CPNE4: variants seen among roughly 807,000 people sequenced by gnomAD.
CPNE4 encodes copine 4.
In CPNE4, 25 loss-of-function variants were observed where a neutral mutation model predicts 67.9. That is an observed-to-expected ratio of 0.37 (90% CI 0.27 to 0.51). The LOEUF (loss-of-function observed/expected upper bound fraction) is 0.51, where lower values mean the gene tolerates loss of function less well. Among genes scored for constraint, CPNE4 ranks in the 20% least tolerant of loss-of-function variants. CPNE4 has a pLI of 0.93. For missense variants in CPNE4, 464 were observed against 690.8 expected, an observed-to-expected ratio of 0.67 and a Z score of 3.68; for synonymous variants, 242 against 244.9, an observed-to-expected ratio of 0.99 and a Z score of 0.11.
intron 1 of CPNE4, among the ~76,000 whole-genome samples, chr3:131,944,716 C>A (rs867880033): frequency 2.6e-5 from 4 of 152,016 alleles, no homozygotes; most frequent in Non-Finnish European, 2.9e-5. Flanking sequence ...CAATTTACAT[C>A]TTAATTTTTT....
intron 1 of CPNE4, among the ~76,000 whole-genome samples, chr3:132,028,357 C>G (rs2074160304): frequency 6.6e-6 from 1 of 152,222 alleles, no homozygotes; most frequent in Non-Finnish European, 1.5e-5. Context: ...TCTCCTCACA[C>G]TTAACAGCAC....
In CPNE4 at chr3:131,627,781, G is replaced by A. The variant is rs145831475; in HGVS notation, c.682-40199C>T. Among the ~76,000 whole-genome samples, 244 of 152,288 alleles carry A rather than the reference G, an allele frequency of 1.6e-3. 1 individual carries two copies. Among genetic ancestry groups the A allele is most frequent in the African/African-American group, 4.8e-3 (198 of 41,544 alleles). On this transcript the variant is annotated intron_variant, in intron 7 of 15. Transcript: ENST00000429747. The stretch of plus-strand genomic sequence containing the variant: ...TGCAGATGTGGTAGAAATAGCAAGA[G>A]AACTAGAATTAGAAGTAGAACCTGA...
intron 3 of CPNE4, among the ~76,000 whole-genome samples, chr3:131,716,695 C>CG (rs2081697927): frequency 6.6e-6 from 1 of 152,168 alleles, no homozygotes; most frequent in Non-Finnish European, 1.5e-5. Context: ...CCCTCCATGC[C>CG]GGGGGCTCTG....
Position 131,770,685 on chromosome 3 carries a change from T to G in CPNE4, c.181-47060A>C, listed in dbSNP as rs77160834. 3.7e-3 allele frequency among the ~76,000 whole-genome samples: 563 copies of G among 152,350 alleles called. 6 individuals are homozygous for G. Among genetic ancestry groups the G allele is most frequent in the African/African-American group, 0.013 (542 of 41,596 alleles). On this transcript the variant is annotated intron_variant, in intron 2 of 15. Coordinates refer to ENST00000429747, the MANE Select transcript of CPNE4 (RefSeq NM_130808.3). ...GTGCTTATAACCACCTGCTTGTCTG[T>G]AAGCCTGCAAAGGCAATTTCTAAAG...
chr3:131,542,872 C>A, intron 14 of CPNE4, 79 bp from the exon 15 acceptor site: 3 of 989,918 alleles, frequency 3.0e-6, no homozygotes, highest in South Asian at 1.5e-5. Context: ...CAGTTAGACA[C>A]CCAGGTGGCC....
intron 1 of CPNE4, among the ~76,000 whole-genome samples, chr3:131,942,463 T>TGTGAGAGA (rs2071424814): frequency 1.1e-4 from 8 of 70,762 alleles, no homozygotes; most frequent in African/African-American, 2.5e-4. Context: ...TGTGTGTGTG[T>TGTGAGAGA]GAGAGAGAGA....
chr3:131,780,387 T>C (rs2083402440), intron 2 of CPNE4, among the ~76,000 whole-genome samples: 1 of 152,146 alleles, frequency 6.6e-6, no homozygotes, highest in Admixed American at 6.6e-5. Context: ...TGCTTGTTCA[T>C]TGTGGTACTA....
chr3:131,810,053 C>T (rs1410253068), intron 2 of CPNE4, among the ~76,000 whole-genome samples: 2 of 151,984 alleles, frequency 1.3e-5, no homozygotes, highest in Non-Finnish European at 2.9e-5. Context: ...AACTCATAAA[C>T]ATATAATGAT....
chr3:131,701,702 C>G (rs1302453707), intron 3 of CPNE4, among the ~76,000 whole-genome samples: 1 of 152,102 alleles, frequency 6.6e-6, no homozygotes, highest in Non-Finnish European at 1.5e-5. Context: ...ATAACTGCAC[C>G]TTGATTGCAG....
In CPNE4 at chr3:131,989,759, T is replaced by TGGAGATAA. The variant is rs2073135007; in HGVS notation, c.-2+44807_-2+44808insTTATCTCC. 1.5e-5 allele frequency among the ~76,000 whole-genome samples: 2 copies of TGGAGATAA among 136,370 alleles called. 1 individual carries two copies. 89.5% of individuals were successfully genotyped at this position (136,370 alleles called of 152,430 possible). A position where few individuals can be genotyped will look rare whatever the true frequency, so the allele number is the denominator to read the frequency against. ...TTACGGGTGGAGAAAGCATGTCCAG[T>TGGAGATAA]CCAAGATAACACCATGTCAAAAATA... On this transcript the variant is annotated intron_variant, in intron 1 of 15. Transcript: ENST00000429747.
At chr3:131,701,354 C>T (rs1297770465) in intron 3 of CPNE4, among the ~76,000 whole-genome samples, 1 of 152,138 alleles carries the variant, frequency 6.6e-6, no homozygotes, top group Non-Finnish European at 1.5e-5. Context: ...ATCCTATCTT[C>T]ATAATATTCA....
chr3:131,670,018 G>A (rs375597515), intron 6 of CPNE4, among the ~76,000 whole-genome samples: 7 of 152,186 alleles, frequency 4.6e-5, no homozygotes, highest in African/African-American at 1.7e-4. Context: ...TTTCCAGCAT[G>A]TGGATGCTGA....
chr3:131,740,611 A>C (rs920888130), intron 2 of CPNE4, among the ~76,000 whole-genome samples: 1 of 152,056 alleles, frequency 6.6e-6, no homozygotes, highest in African/African-American at 2.4e-5. Context: ...ATGCCAAGTC[A>C]CTATTCTCTC....
intron 7 of CPNE4, among the ~76,000 whole-genome samples, chr3:131,661,524 G>C (rs2080124345): frequency 6.6e-6 from 1 of 152,172 alleles, no homozygotes; most frequent in Non-Finnish European, 1.5e-5. Context: ...GCAGCCTGCT[G>C]TACTCAGGGG....
At position 131,534,012 on chromosome 3, in the gene CPNE4, G is replaced by C. The variant is rs1935008933; in HGVS notation, c.*1183C>G. ...TGTTCTCAGAAGTGATAGAAAGGAG[G>C]CAAGAAATTCCCACACTAAGCTCAA... On this transcript the variant is annotated 3_prime_UTR_variant, in exon 16 of 16. Coordinates refer to ENST00000429747, the MANE Select transcript of CPNE4 (RefSeq NM_130808.3). 1 of 152,158 alleles carries C rather than the reference G, an allele frequency of 6.6e-6. No individual in the cohort carries two copies. Among genetic ancestry groups the C allele is most frequent in the African/African-American group, 2.4e-5 (1 of 41,416 alleles). The allele number at this position is 152,158 out of a possible 1,614,324, so 9.4% of individuals were successfully genotyped here.
At chr3:131,696,645 A>G (rs775599621) in intron 4 of CPNE4, 29 bp from the exon 5 acceptor site, 3 of 1,601,840 alleles carry the variant, frequency 1.9e-6, no homozygotes, top group Admixed American at 3.3e-5. Flanking sequence ...ATCAGCTGCA[A>G]TAGAGGGTGA....
intron 7 of CPNE4, among the ~76,000 whole-genome samples, chr3:131,622,944 T>C (rs1173672695): frequency 6.6e-6 from 1 of 152,206 alleles, no homozygotes; most frequent in Non-Finnish European, 1.5e-5. Flanking sequence ...GTTGCTGTTG[T>C]TGTTCTGTTG....
At chr3:131,922,853 T>G (rs1047750566) in intron 1 of CPNE4, among the ~76,000 whole-genome samples, 5 of 152,160 alleles carry the variant, frequency 3.3e-5, no homozygotes, top group African/African-American at 1.2e-4. Context: ...TGTTTCTATG[T>G]CTCCTGTCCT....
At chr3:132,025,085 T>C (rs2074088496) in intron 1 of CPNE4, among the ~76,000 whole-genome samples, 1 of 152,196 alleles carries the variant, frequency 6.6e-6, no homozygotes, top group Non-Finnish European at 1.5e-5. Flanking sequence ...TAACAAGCCC[T>C]CCAGGAGATT....
Sources: gnomAD v4.1 joint callset for allele counts (sites outside exome capture counted in the v4.1 genomes callset) on GRCh38, gnomAD v4.1.1 for gene constraint, MANE v1.5 for transcripts, NCBI Gene and HGNC (gene_info 2026-07-23, HGNC 2026-07-21) for gene names.